The following KIAA0930 variants were observed in gnomAD, a reference collection of about 807,000 sequenced individuals.
The protein encoded by KIAA0930 is KIAA0930, also known as uncharacterized protein KIAA0930.
A neutral mutation model predicts 43.9 loss-of-function variants in KIAA0930; 24 were observed. The observed-to-expected ratio is 0.55, with a 90% CI of 0.40 to 0.77. The LOEUF is 0.77. Among genes scored for constraint, KIAA0930 ranks in the 30% least tolerant of loss-of-function variants. The pLI is 0.00. For synonymous variants in KIAA0930, 259 were observed against 216.4 expected (o/e 1.20, Z -1.73); for missense variants, 461 against 574.2 (o/e 0.80, Z 2.02).
chr22:45,198,102 C>T, intron 8 of KIAA0930, 154 bp from the exon 9 acceptor site: 1 of 673,210 alleles, frequency 1.5e-6, no homozygotes, highest in Non-Finnish European at 2.5e-6. Context: ...CGCTCCAGAG[C>T]TGCTGCCTCC....
chr22:45,205,174 C>A (rs371467458), intron 5 of KIAA0930, 43 bp downstream of exon 5: 1 of 1,492,994 alleles, frequency 6.7e-7, no homozygotes, highest in Non-Finnish European at 9.3e-7. Context: ...ACCCATCTCA[C>A]GAGAAGGGGA....
chr22:45,195,259 A>AC lies in KIAA0930; in HGVS notation c.*1916dup, dbSNP rs1206787115. On this transcript the variant is annotated 3_prime_UTR_variant, in exon 10 of 10. Coordinates refer to ENST00000336156, the MANE Select transcript of KIAA0930 (RefSeq NM_001009880.2). ...AGGAGACAACCTTCTCCCGCCCCTC[A>AC]CCTCTGAGAACAGAGGGCGGGCCGC... 6.6e-6 allele frequency: 1 copy of AC among 151,234 alleles called. No homozygotes were observed. Among genetic ancestry groups the AC allele is most frequent in the Non-Finnish European group, 1.5e-5 (1 of 67,792 alleles). 9.4% of individuals were successfully genotyped at this position (151,234 alleles called of 1,614,324 possible).
At chr22:45,228,599 G>A (rs1005167859) in intron 1 of KIAA0930, among the ~76,000 whole-genome samples, 1 of 152,106 alleles carries the variant, frequency 6.6e-6, no homozygotes, top group Non-Finnish European at 1.5e-5. Flanking sequence ...TTTTCCTGCC[G>A]CCTCTGCTCA....
intron 1 of KIAA0930, among the ~76,000 whole-genome samples, chr22:45,232,058 T>A (rs553937562): frequency 6.6e-6 from 1 of 152,172 alleles, no homozygotes. Context: ...AAGGTGCCTA[T>A]GAAGCAAGGT....
intron 1 of KIAA0930, among the ~76,000 whole-genome samples, chr22:45,212,807 C>A (rs1016409386): frequency 6.6e-6 from 1 of 152,246 alleles, no homozygotes; most frequent in Non-Finnish European, 1.5e-5. Context: ...CATTCCAGCG[C>A]TGCCGCTGGT....
chr22:45,200,963 A>G (rs757611155), intron 7 of KIAA0930: 3 of 516,330 alleles, frequency 5.8e-6, no homozygotes, highest in South Asian at 4.4e-5. Context: ...CCAGGTGAAG[A>G]AGGGGGGGAA....
chr22:45,201,253 A>G (rs554431571), intron 7 of KIAA0930, among the ~76,000 whole-genome samples: 31 of 152,316 alleles, frequency 2.0e-4, no homozygotes, highest in African/African-American at 6.7e-4. Flanking sequence ...CCCGCCAGAG[A>G]AGGAGACAGG....
intron 1 of KIAA0930, among the ~76,000 whole-genome samples, chr22:45,215,185 T>C (rs949398445): frequency 6.6e-6 from 1 of 152,170 alleles, no homozygotes; most frequent in Non-Finnish European, 1.5e-5. Context: ...GCCACTGCAC[T>C]CCGGCCTGGG....
At chr22:45,234,417 T>C (rs868743031) in intron 1 of KIAA0930, among the ~76,000 whole-genome samples, 6 of 152,258 alleles carry the variant, frequency 3.9e-5, no homozygotes, top group Admixed American at 6.5e-5. Context: ...AAGTCTAGTC[T>C]GAGGCTGGAT....
intron 5 of KIAA0930, 113 bp from the exon 6 acceptor site, chr22:45,204,098 C>T: frequency 1.4e-6 from 2 of 1,398,276 alleles, no homozygotes; most frequent in South Asian, 1.3e-5. Context: ...TTGCAGGGGA[C>T]AACCGGCTGT....
rs111302438 is a variant in KIAA0930, at chr22:45,204,051, C to T, written c.517-66G>A. On this transcript the variant is annotated intron_variant, in intron 5 of 9. Transcript: ENST00000336156. ...TCCCACCGCCCACACCACAGCCTGG[C>T]CCAACTGGCAGGGAGGGCTGCTCAG... The T allele has an allele frequency of 7.2e-3, 11,441 of 1,600,132 alleles. 625 individuals are homozygous for T. The African/African-American group carries it at 0.12, about 17-fold the overall frequency.
intron 1 of KIAA0930, among the ~76,000 whole-genome samples, chr22:45,232,924 G>A (rs970557938): frequency 1.3e-5 from 2 of 152,154 alleles, no homozygotes; most frequent in African/African-American, 2.4e-5. Context: ...GTGAGGAAGG[G>A]ACCCCGTGGA....
At position 45,230,237 on chromosome 22, in the gene KIAA0930, C is replaced by T. The variant is rs562980987; in HGVS notation, c.64+10403G>A. On this transcript the variant is annotated intron_variant, in intron 1 of 9. Transcript: ENST00000336156. ...AGTGCAGGGGAGAGCAGACACAGGG[C>T]GGGCAGCGAGTCACGTCTTGGTCAG... Among the ~76,000 whole-genome samples, 129 of 152,256 alleles carry T rather than the reference C, an allele frequency of 8.5e-4. 1 individual carries two copies. The highest frequency in any genetic ancestry group is 2.5e-3 in the African/African-American group (102 of 41,544).
Position 45,194,847 on chromosome 22 carries a change from G to T in KIAA0930, c.*2329C>A, listed in dbSNP as rs564958554. On this transcript the variant is annotated 3_prime_UTR_variant, in exon 10 of 10. Coordinates refer to ENST00000336156, the MANE Select transcript of KIAA0930 (RefSeq NM_001009880.2). ...TGTGGCTCAGCATGCAGGCCAGGCC[G>T]CGTGCCTGGGTTTGACTCCCATCGC... 3 of 152,222 alleles carry T rather than the reference G, an allele frequency of 2.0e-5. No individual in the cohort carries two copies. Among genetic ancestry groups the T allele is most frequent in the African/African-American group, 7.2e-5 (3 of 41,452 alleles). 9.4% of individuals were successfully genotyped at this position (152,222 alleles called of 1,614,324 possible).
In KIAA0930 at chr22:45,199,988, A is replaced by C. The variant is rs1355351690; in HGVS notation, c.900T>G (p.Pro300=). 1.9e-6 allele frequency: 3 copies of C among 1,608,364 alleles called. No homozygotes were observed. The African/African-American group carries it at 4.0e-5, about 22-fold the overall frequency. ...TPPTPERNNR[P]AFFSPSLKRK... ...TCTTGAGGGATGGGGAGAAGAAGGC[A>C]GGCCGGTTGTTCCGTTCTGGGGTGG... The change falls in exon 8 of 10, where the codon CCT becomes CCG. Residue 300 remains proline, a synonymous_variant. Coordinates refer to ENST00000336156, the MANE Select transcript of KIAA0930 (RefSeq NM_001009880.2).
intron 2 of KIAA0930, among the ~76,000 whole-genome samples, chr22:45,209,281 C>T (rs1340756037): frequency 1.3e-5 from 2 of 151,874 alleles, no homozygotes; most frequent in South Asian, 2.1e-4. Context: ...GGCGACTCCG[C>T]GGGTCCCCCA....
chr22:45,233,377 C>A (rs886433152), intron 1 of KIAA0930, among the ~76,000 whole-genome samples: 2 of 152,014 alleles, frequency 1.3e-5, no homozygotes, highest in African/African-American at 4.8e-5. Context: ...TCAAGTGGAA[C>A]GGGTAAGCAC....
At chr22:45,200,367 C>T (rs546265369) in intron 7 of KIAA0930, among the ~76,000 whole-genome samples, 1 of 152,320 alleles carries the variant, frequency 6.6e-6, no homozygotes, top group East Asian at 1.9e-4. Context: ...CAGCTGCTGA[C>T]GCTGAGTGAG....
chr22:45,207,946 C>A (rs549753810), intron 2 of KIAA0930, among the ~76,000 whole-genome samples: 2 of 152,318 alleles, frequency 1.3e-5, no homozygotes, highest in Admixed American at 6.5e-5. Flanking sequence ...GCTTCATTGA[C>A]CTGTTCATTT....
Sources: gnomAD v4.1 joint callset for allele counts (sites outside exome capture counted in the v4.1 genomes callset) on GRCh38, gnomAD v4.1.1 for gene constraint, MANE v1.5 for transcripts, NCBI Gene and HGNC (gene_info 2026-07-23, HGNC 2026-07-21) for gene names.